OPCML: variants seen among roughly 807,000 people sequenced by gnomAD.
The protein encoded by OPCML is opioid-binding protein/cell adhesion molecule.
OPCML carries 13 observed loss-of-function variants against 37.8 expected under a neutral mutation model. That is an observed-to-expected ratio of 0.34 (90% confidence interval 0.22 to 0.55). The LOEUF is 0.55. Among genes scored for constraint, OPCML ranks in the 20% least tolerant of loss-of-function variants. The pLI is 0.91. For missense variants in OPCML, 341 were observed against 435.6 expected, an observed-to-expected ratio of 0.78 and a Z score of 1.93; for synonymous variants, 176 against 168.8, an observed-to-expected ratio of 1.04 and a Z score of -0.33.
intron 3 of OPCML, among the ~76,000 whole-genome samples, chr11:132,647,351 C>A (rs1203665374): frequency 6.6e-6 from 1 of 152,180 alleles, no homozygotes; most frequent in African/African-American, 2.4e-5. Flanking sequence ...AAGATGACCG[C>A]CACCCCACTT....
intron 2 of OPCML, among the ~76,000 whole-genome samples, chr11:132,832,513 C>T (rs1433428480): frequency 6.6e-6 from 1 of 152,204 alleles, no homozygotes; most frequent in African/African-American, 2.4e-5. Flanking sequence ...CATGCACACA[C>T]ATACATCTCA....
At chr11:132,635,359 A>C (rs1269611676) in intron 3 of OPCML, among the ~76,000 whole-genome samples, 1 of 152,210 alleles carries the variant, frequency 6.6e-6, no homozygotes, top group Non-Finnish European at 1.5e-5. Context: ...CTTGAAAGAA[A>C]ACAATAACAA....
chr11:132,497,469 C>T (rs2096235157), intron 4 of OPCML, among the ~76,000 whole-genome samples: 1 of 149,950 alleles, frequency 6.7e-6, no homozygotes, highest in Admixed American at 6.6e-5. Context: ...GCTGTGGGTA[C>T]AGGAAATGCC....
intron 1 of OPCML, among the ~76,000 whole-genome samples, chr11:133,232,039 G>A (rs1190947275): frequency 6.6e-6 from 1 of 152,122 alleles, no homozygotes; most frequent in African/African-American, 2.4e-5. Flanking sequence ...GAGAGGAAGA[G>A]AGATGAAACA....
chr11:132,524,959 C>T (rs997408107), intron 4 of OPCML, among the ~76,000 whole-genome samples: 6 of 152,214 alleles, frequency 3.9e-5, no homozygotes, highest in Non-Finnish European at 8.8e-5. Flanking sequence ...GGAGTATTTA[C>T]ACCACCAACA....
chr11:132,603,140 A>G (rs114848678), intron 3 of OPCML, among the ~76,000 whole-genome samples: 1,813 of 152,228 alleles, frequency 0.012, 28 homozygotes, highest in African/African-American at 0.04. Flanking sequence ...GTTCTCCAGG[A>G]ATTAACCCTC....
At position 133,119,737 on chromosome 11, in the gene OPCML, A is replaced by G. The variant is rs1040225699; in HGVS notation, c.62-176727T>C. On this transcript the variant is annotated intron_variant, in intron 1 of 7. Coordinates refer to ENST00000524381, the MANE Select transcript of OPCML (RefSeq NM_001012393.5). Reference sequence around the variant, plus strand: ...GAGATGACTGAACTGAATCGTGAGTAATGAGAAGTTCACCAGTCAGAGAAG... The same window carrying G: ...GAGATGACTGAACTGAATCGTGAGTGATGAGAAGTTCACCAGTCAGAGAAG... 2.6e-5 allele frequency among the ~76,000 whole-genome samples: 4 copies of G among 152,210 alleles called. No homozygotes were observed. In the East Asian group the frequency reaches 7.7e-4, roughly 29 times the overall value.
chr11:132,974,457 A>G (rs1292957295), intron 1 of OPCML, among the ~76,000 whole-genome samples: 13 of 152,222 alleles, frequency 8.5e-5, no homozygotes, highest in Non-Finnish European at 7.3e-5. Flanking sequence ...ATGAGATACC[A>G]TCTCATGCCA....
intron 4 of OPCML, among the ~76,000 whole-genome samples, chr11:132,503,551 T>A (rs908948666): frequency 2.0e-5 from 3 of 152,118 alleles, no homozygotes; most frequent in Non-Finnish European, 4.4e-5. Context: ...AAAAAAAGTA[T>A]CAATATTATA....
intron 1 of OPCML, among the ~76,000 whole-genome samples, chr11:133,289,782 A>G (rs1942423137): frequency 6.6e-6 from 1 of 152,100 alleles, no homozygotes; most frequent in Admixed American, 6.5e-5. Flanking sequence ...CATGAGCTAC[A>G]TTCTTGTTTC....
At chr11:132,918,796 TG>T (rs1944692356) in intron 2 of OPCML, among the ~76,000 whole-genome samples, 1 of 148,166 alleles carries the variant, frequency 6.7e-6, no homozygotes, top group African/African-American at 2.5e-5. Flanking sequence ...GCACCAGGGT[TG>T]AAAAAAAACA....
chr11:133,293,608 G>C (rs1019212611), intron 1 of OPCML, among the ~76,000 whole-genome samples: 1 of 152,094 alleles, frequency 6.6e-6, no homozygotes, highest in Non-Finnish European at 1.5e-5. Flanking sequence ...GAGAGTAAAC[G>C]GATCTGAGTT....
intron 1 of OPCML, among the ~76,000 whole-genome samples, chr11:132,953,259 T>C (rs1945901410): frequency 6.6e-6 from 1 of 152,090 alleles, no homozygotes; most frequent in South Asian, 2.1e-4. Context: ...CACCAAATAT[T>C]TGCTGCACGA....
In OPCML at chr11:132,621,081, G is replaced by T. The variant is rs147830240; in HGVS notation, c.379+36006C>A. Reference sequence around the variant, plus strand: ...CACACAAGGCTTTTGAAGGATTGGTGCATTTAATGTGGTTAGCTTGTAAAT... The same window carrying T: ...CACACAAGGCTTTTGAAGGATTGGTTCATTTAATGTGGTTAGCTTGTAAAT... On this transcript the variant is annotated intron_variant, in intron 3 of 7. Coordinates refer to ENST00000524381, the MANE Select transcript of OPCML (RefSeq NM_001012393.5). Among the ~76,000 whole-genome samples the T allele has an allele frequency of 9.2e-5, 14 of 152,384 alleles. No individual in the cohort carries two copies. In the East Asian group the frequency reaches 2.7e-3, roughly 29 times the overall value.
intron 3 of OPCML, among the ~76,000 whole-genome samples, chr11:132,618,148 AC>A (rs1939153508): frequency 6.6e-6 from 1 of 152,230 alleles, no homozygotes; most frequent in African/African-American, 2.4e-5. Flanking sequence ...TGATGACAGC[AC>A]CAACTTTGGT....
chr11:133,261,477 A>C (rs903336965), intron 1 of OPCML, among the ~76,000 whole-genome samples: 1 of 151,796 alleles, frequency 6.6e-6, no homozygotes, highest in South Asian at 2.1e-4. Context: ...AGGCTGGCAC[A>C]TGGTCTGCGT....
At chr11:133,412,217 C>T (rs528165549) in intron 1 of OPCML, among the ~76,000 whole-genome samples, 8 of 152,290 alleles carry the variant, frequency 5.3e-5, no homozygotes, top group Admixed American at 1.3e-4. Flanking sequence ...AGAACAGTGA[C>T]CTGAAAAGAA....
At chr11:133,230,242 G>A (rs1463704881) in intron 1 of OPCML, among the ~76,000 whole-genome samples, 2 of 152,174 alleles carry the variant, frequency 1.3e-5, no homozygotes, top group Non-Finnish European at 2.9e-5. Context: ...GTGGAAAGGG[G>A]AACACTCATC....
chr11:132,845,861 C>T (rs192329043), intron 2 of OPCML, among the ~76,000 whole-genome samples: 1 of 152,078 alleles, frequency 6.6e-6, no homozygotes, highest in African/African-American at 2.4e-5. Flanking sequence ...TGCCCCATTC[C>T]CTGCTCAGTC....
Sources: allele counts gnomAD v4.1 joint callset (sites outside exome capture counted in the v4.1 genomes callset), GRCh38; gene constraint gnomAD v4.1.1; transcripts MANE v1.5; gene names NCBI Gene and HGNC (gene_info 2026-07-23, HGNC 2026-07-21).